Variants in KCNIP1 observed in about 807,000 individuals in gnomAD.
The protein encoded by KCNIP1 is A-type potassium channel modulatory protein KCNIP1.
Under a neutral mutation model 33.0 loss-of-function variants are expected in KCNIP1, and 18 were observed. That is an observed-to-expected ratio of 0.55 (90% CI 0.38 to 0.81). The LOEUF is 0.81. Ranked by LOEUF, KCNIP1 falls within the 30% of genes least tolerant of loss-of-function variation. The probability of loss-of-function intolerance (pLI) is 0.00; values close to 1 mark genes in which losing one functional copy is unlikely to be tolerated. For synonymous variants in KCNIP1, 93 were observed against 98.3 expected (o/e 0.95, Z 0.32); for missense variants, 238 against 271.6 (o/e 0.88, Z 0.87).
chr5:170,381,542 A>G (rs1764240819), intron 1 of KCNIP1, among the ~76,000 whole-genome samples: 1 of 152,196 alleles, frequency 6.6e-6, no homozygotes, highest in African/African-American at 2.4e-5. Context: ...CAGCTAGCCC[A>G]CAACCCAGCT....
At chr5:170,513,699 T>G (rs1755022158) in intron 1 of KCNIP1, among the ~76,000 whole-genome samples, 1 of 152,202 alleles carries the variant, frequency 6.6e-6, no homozygotes, top group South Asian at 2.1e-4. Flanking sequence ...GCCTGCATAA[T>G]GGATTTCACT....
chr5:170,697,029 CTCTCCTCCTCCTCCTCCA>C (rs1581513513), intron 1 of KCNIP1, among the ~76,000 whole-genome samples: 1 of 151,912 alleles, frequency 6.6e-6, no homozygotes, highest in African/African-American at 2.4e-5. Flanking sequence ...CTCTCTTTCT[CTCTCCTCCTCCTCCTCCA>C]TCTCCTCCTC....
At chr5:170,698,193 A>AT (rs137933132) in intron 1 of KCNIP1, among the ~76,000 whole-genome samples, 1,901 of 152,274 alleles carry the variant, frequency 0.012, 43 homozygotes, top group African/African-American at 0.044. Context: ...GCCTTGCCAC[A>AT]TTCAATCCTC....
At chr5:170,362,490 C>G (rs6864851) in intron 1 of KCNIP1, among the ~76,000 whole-genome samples, 5,298 of 152,276 alleles carry the variant, frequency 0.035, 181 homozygotes, top group African/African-American at 0.085. Flanking sequence ...GAGACTCAAG[C>G]TCCCCGATCC....
At chr5:170,559,404 A>G (rs1368403734) in intron 1 of KCNIP1, among the ~76,000 whole-genome samples, 3 of 152,130 alleles carry the variant, frequency 2.0e-5, no homozygotes, top group Non-Finnish European at 4.4e-5. Flanking sequence ...ACTGTTTGCA[A>G]ACATGCCCAG....
At chr5:170,418,521 C>T (rs889619678) in intron 1 of KCNIP1, among the ~76,000 whole-genome samples, 8 of 152,220 alleles carry the variant, frequency 5.3e-5, no homozygotes, top group African/African-American at 1.7e-4. Context: ...CCCTGCTTCC[C>T]CCTCAGTCTG....
At chr5:170,431,746 AG>A (rs1755746401) in intron 1 of KCNIP1, among the ~76,000 whole-genome samples, 1 of 152,192 alleles carries the variant, frequency 6.6e-6, no homozygotes, top group Admixed American at 6.5e-5. Context: ...ACCTGGTGCA[AG>A]GGGGCCAGGC....
intron 1 of KCNIP1, among the ~76,000 whole-genome samples, chr5:170,538,113 C>T (rs574722290): frequency 3.9e-5 from 6 of 152,198 alleles, no homozygotes; most frequent in Admixed American, 3.3e-4. Context: ...AAAACTGAGG[C>T]TCTGAGAAGG....
chr5:170,456,638 C>T (rs1756381420), intron 1 of KCNIP1, among the ~76,000 whole-genome samples: 1 of 147,044 alleles, frequency 6.8e-6, no homozygotes, highest in Non-Finnish European at 1.5e-5. Context: ...GAGAATATCA[C>T]TGAAACCAAA....
At chr5:170,448,358 C>T (rs762123457) in intron 1 of KCNIP1, among the ~76,000 whole-genome samples, 18 of 152,248 alleles carry the variant, frequency 1.2e-4, no homozygotes, top group East Asian at 5.8e-4. Context: ...ATCTGCTGTA[C>T]GCCAGGCCCC....
chr5:170,668,593 C>T (rs1043615484), intron 1 of KCNIP1, among the ~76,000 whole-genome samples: 2 of 152,144 alleles, frequency 1.3e-5, no homozygotes, highest in Non-Finnish European at 2.9e-5. Context: ...GGGAGGAGCC[C>T]AGTACAGACG....
chr5:170,386,280 GGAGACAGCAATTA>G (rs1478327652), intron 1 of KCNIP1, among the ~76,000 whole-genome samples: 5 of 152,194 alleles, frequency 3.3e-5, no homozygotes, highest in Non-Finnish European at 7.3e-5. Context: ...ATATGACCAG[GGAGACAGCAATTA>G]GAGTGATGTG....
In KCNIP1 at chr5:170,542,066, G is replaced by A. The variant is rs1040746993; in HGVS notation, c.61+37433G>A. On this transcript the variant is annotated intron_variant, in intron 1 of 7. Transcript: ENST00000328939. ...CTCCATCTACAGATTTATTGCACCC[G>A]GGCTCCTAGCCATACGCCCAAAAGT... Among the ~76,000 whole-genome samples the A allele has an allele frequency of 4.6e-5, 7 of 152,150 alleles. 1 individual carries two copies. Among genetic ancestry groups the A allele is most frequent in the South Asian group, 2.1e-4 (1 of 4,818 alleles).
At chr5:170,360,075 CT>C (rs1391129261) in intron 1 of KCNIP1, among the ~76,000 whole-genome samples, 8 of 152,210 alleles carry the variant, frequency 5.3e-5, no homozygotes, top group Non-Finnish European at 1.2e-4. Flanking sequence ...CACCACAGCC[CT>C]GGGAGAAGTG....
At chr5:170,512,947 G>A (rs1298867143) in intron 1 of KCNIP1, among the ~76,000 whole-genome samples, 1 of 152,178 alleles carries the variant, frequency 6.6e-6, no homozygotes, top group Non-Finnish European at 1.5e-5. Flanking sequence ...CTACTCGGGA[G>A]GTTGAGGCAG....
chr5:170,483,535 T>A (rs184387385), intron 1 of KCNIP1, among the ~76,000 whole-genome samples: 162 of 152,306 alleles, frequency 1.1e-3, no homozygotes, highest in Non-Finnish European at 2.0e-3. Context: ...GTAATGCATG[T>A]CAATGGTGAT....
intron 1 of KCNIP1, among the ~76,000 whole-genome samples, chr5:170,532,600 G>A (rs1561672072): frequency 6.6e-6 from 1 of 152,096 alleles, no homozygotes; most frequent in African/African-American, 2.4e-5. Context: ...TCTAGGATGG[G>A]GTCAACTGGC....
chr5:170,556,897 T>C (rs1756864963), intron 1 of KCNIP1, among the ~76,000 whole-genome samples: 2 of 152,222 alleles, frequency 1.3e-5, no homozygotes, highest in African/African-American at 4.8e-5. Flanking sequence ...TGGATTCCAA[T>C]TGTGGATGTG....
At chr5:170,721,956 C>G in intron 4 of KCNIP1, 53 bp downstream of exon 4, 1 of 1,597,260 alleles carries the variant, frequency 6.3e-7, no homozygotes. Flanking sequence ...CATCACCTCC[C>G]CCTCTAAATC....
Sources: gnomAD v4.1 joint callset for allele counts (sites outside exome capture counted in the v4.1 genomes callset) on GRCh38, gnomAD v4.1.1 for gene constraint, MANE v1.5 for transcripts, NCBI Gene and HGNC (gene_info 2026-07-23, HGNC 2026-07-21) for gene names.